RBFOX1: variants seen among roughly 807,000 people sequenced by gnomAD.
The protein encoded by RBFOX1 is RNA binding fox-1 homolog 1.
A neutral mutation model predicts 57.7 loss-of-function variants in RBFOX1; 8 were observed. The observed-to-expected ratio is 0.14, with a 90% CI of 0.08 to 0.25. RBFOX1 has a LOEUF of 0.25. Ranked by LOEUF, RBFOX1 falls within the 10% of genes least tolerant of loss-of-function variation. The pLI is 1.00. For synonymous variants in RBFOX1, 326 were observed against 222.4 expected (o/e 1.47, Z -4.15); for missense variants, 611 against 548.5 (o/e 1.11, Z -1.14).
intron 14 of RBFOX1, chr16:7,693,276 C>G (rs2077780842): frequency 6.3e-7 from 1 of 1,589,868 alleles, no homozygotes; most frequent in African/African-American, 1.3e-5. Flanking sequence ...ACATTTCCCC[C>G]TGAGCGAGCA....
intron 3 of RBFOX1, among the ~76,000 whole-genome samples, chr16:5,644,221 A>C (rs2048974174): frequency 1.3e-5 from 2 of 152,346 alleles, no homozygotes; most frequent in South Asian, 2.1e-4. Context: ...TCCTTTAAAA[A>C]AAGTAAATTG....
At chr16:7,661,615 G>A (rs1304105229) in intron 12 of RBFOX1, among the ~76,000 whole-genome samples, 4 of 152,184 alleles carry the variant, frequency 2.6e-5, no homozygotes, top group Non-Finnish European at 5.9e-5. Context: ...ACAGTTTTAT[G>A]CATAATTTGT....
At chr16:6,685,747 T>A (rs1287280400) in intron 3 of RBFOX1, among the ~76,000 whole-genome samples, 1 of 152,178 alleles carries the variant, frequency 6.6e-6, no homozygotes, top group East Asian at 1.9e-4. Flanking sequence ...CAATTTGGTG[T>A]CTGCCCCTAT....
At chr16:6,745,548 A>G (rs914369701) in intron 3 of RBFOX1, among the ~76,000 whole-genome samples, 3 of 152,250 alleles carry the variant, frequency 2.0e-5, no homozygotes, top group African/African-American at 7.2e-5. Context: ...ATGTGAACTA[A>G]CACAATTATT....
intron 2 of RBFOX1, among the ~76,000 whole-genome samples, chr16:6,625,849 T>C (rs1357026383): frequency 1.3e-5 from 2 of 152,246 alleles, no homozygotes; most frequent in African/African-American, 4.8e-5. Context: ...CAGCATTTAA[T>C]GATGTCTGCC....
rs1303012336 is a variant in RBFOX1 at position 7,352,054 on chromosome 16, A to G, written c.28-166093A>G. Among the ~76,000 whole-genome samples, 3 of 152,026 alleles carry G rather than the reference A, an allele frequency of 2.0e-5. No individual in the cohort carries two copies. The South Asian group carries it at 6.2e-4, about 32-fold the overall frequency. Reference sequence around the variant, plus strand: ...GTGGCTGAGAGTTTCCCCTTAAATAATATGTCACGCTGTAGGCATATGGTC... The same window carrying G: ...GTGGCTGAGAGTTTCCCCTTAAATAGTATGTCACGCTGTAGGCATATGGTC... On this transcript the variant is annotated intron_variant, in intron 4 of 15. Transcript: ENST00000550418.
intron 5 of RBFOX1, 122 bp downstream of exon 5, chr16:7,518,511 C>G: frequency 7.7e-7 from 1 of 1,304,784 alleles, no homozygotes; most frequent in South Asian, 1.8e-5. Context: ...GTCCCTAAGC[C>G]CACCCTCATC....
chr16:7,042,800 C>G (rs1296551531), intron 3 of RBFOX1, among the ~76,000 whole-genome samples: 1 of 152,122 alleles, frequency 6.6e-6, no homozygotes, highest in African/African-American at 2.4e-5. Context: ...GTGGCGCTCA[C>G]CTGGAATCCC....
chr16:6,700,205 A>G (rs373635211), intron 3 of RBFOX1, among the ~76,000 whole-genome samples: 1 of 152,138 alleles, frequency 6.6e-6, no homozygotes, highest in Non-Finnish European at 1.5e-5. Flanking sequence ...CCCAGAGAGG[A>G]ACGTGAGAAG....
intron 3 of RBFOX1, among the ~76,000 whole-genome samples, chr16:5,828,842 T>C (rs1411980381): frequency 1.3e-5 from 2 of 152,190 alleles, no homozygotes; most frequent in Non-Finnish European, 2.9e-5. Context: ...GATGCATTAG[T>C]AATTTATTGT....
chr16:7,414,292 C>CT (rs1476130275), intron 4 of RBFOX1, among the ~76,000 whole-genome samples: 4 of 152,106 alleles, frequency 2.6e-5, no homozygotes, highest in Non-Finnish European at 5.9e-5. Flanking sequence ...ACAAGGAACT[C>CT]TATGTTCACT....
intron 5 of RBFOX1, among the ~76,000 whole-genome samples, chr16:7,570,846 T>C (rs1374904771): frequency 1.3e-5 from 2 of 152,154 alleles, no homozygotes; most frequent in Admixed American, 6.5e-5. Context: ...CAAATGCCCA[T>C]CAATGATAGA....
At chr16:7,145,019 A>C (rs538528676) in intron 4 of RBFOX1, among the ~76,000 whole-genome samples, 7 of 152,100 alleles carry the variant, frequency 4.6e-5, no homozygotes, top group Non-Finnish European at 1.0e-4. Context: ...TTTTTTAAAA[A>C]GGTTTTGTTC....
At chr16:7,217,610 T>C (rs2092313130) in intron 4 of RBFOX1, among the ~76,000 whole-genome samples, 1 of 152,148 alleles carries the variant, frequency 6.6e-6, no homozygotes, top group Admixed American at 6.5e-5. Context: ...GTTCTGAGAA[T>C]ATAATCAATT....
chr16:5,248,956 C>T (rs1362520044), intron 1 of RBFOX1, among the ~76,000 whole-genome samples: 3 of 127,810 alleles, frequency 2.3e-5, no homozygotes, highest in Non-Finnish European at 3.1e-5. Flanking sequence ...CCAGTGCACT[C>T]CAGCCTGGAC....
At chr16:5,785,364 C>T (rs750559160) in intron 3 of RBFOX1, among the ~76,000 whole-genome samples, 3 of 152,160 alleles carry the variant, frequency 2.0e-5, no homozygotes, top group Admixed American at 6.5e-5. Flanking sequence ...GCTTCTGCAT[C>T]CCTTCCAGGC....
At chr16:6,026,402 C>T (rs1331777775) in intron 1 of RBFOX1, among the ~76,000 whole-genome samples, 5 of 152,296 alleles carry the variant, frequency 3.3e-5, no homozygotes, top group Admixed American at 6.5e-5. Context: ...TGTAGGCAGG[C>T]GTTAAGCAAT....
chr16:6,887,724 G>C (rs1291886269), intron 3 of RBFOX1, among the ~76,000 whole-genome samples: 1 of 151,336 alleles, frequency 6.6e-6, no homozygotes, highest in Non-Finnish European at 1.5e-5. Flanking sequence ...GTGCCCTGGT[G>C]CAATCTTGGC....
At chr16:6,304,929 A>T (rs1429828436) in intron 1 of RBFOX1, among the ~76,000 whole-genome samples, 2 of 149,062 alleles carry the variant, frequency 1.3e-5, no homozygotes, top group Non-Finnish European at 3.0e-5. Context: ...GTTGCTTTGT[A>T]AACCTGTTGC....
Sources: allele counts gnomAD v4.1 joint callset (sites outside exome capture counted in the v4.1 genomes callset), GRCh38; gene constraint gnomAD v4.1.1; transcripts MANE v1.5; gene names NCBI Gene and HGNC (gene_info 2026-07-23, HGNC 2026-07-21).